Variants in NAV3 observed in about 807,000 individuals in gnomAD.
NAV3 encodes pore membrane and/or filament interacting like protein 1.
NAV3 carries 87 observed loss-of-function variants against 244.7 expected under a neutral mutation model. The observed-to-expected ratio is 0.36, with a 90% CI of 0.30 to 0.42. NAV3 has a LOEUF of 0.42. Ranked by LOEUF, NAV3 falls within the 20% of genes least tolerant of loss-of-function variation. The pLI is 1.00. For missense variants in NAV3, 2,663 were observed against 2,893.3 expected (o/e 0.92, Z 1.83); for synonymous variants, 1,126 against 1,042.2 (o/e 1.08, Z -1.55).
At position 78,080,038 on chromosome 12, in the gene NAV3, C is replaced by A. The variant is rs183116888; in HGVS notation, c.2636+20923C>A. 2.3e-3 allele frequency among the ~76,000 whole-genome samples: 354 copies of A among 152,162 alleles called. 4 individuals are homozygous for A. The highest frequency in any genetic ancestry group is 7.8e-3 in the African/African-American group (323 of 41,506). On this transcript the variant is annotated intron_variant, in intron 12 of 39. Coordinates refer to ENST00000397909, the MANE Select transcript of NAV3 (RefSeq NM_001024383.2). ...TGTCTATATTTTAATATGTTATGAA[C>A]CTGTTGCCCTCTTCCCCACCCATTT...
intron 1 of NAV3, among the ~76,000 whole-genome samples, chr12:77,907,369 A>G (rs1182068476): frequency 1.3e-5 from 2 of 152,116 alleles, no homozygotes; most frequent in East Asian, 3.9e-4. Flanking sequence ...ACTTTGGTTG[A>G]AGTAGTTTCT....
At chr12:77,628,796 T>C (rs925499838) in intron 2 of NAV3, among the ~76,000 whole-genome samples, 4 of 150,428 alleles carry the variant, frequency 2.7e-5, no homozygotes, top group Admixed American at 6.6e-5. Context: ...GAGGCTGAGA[T>C]GGGAGAATCC....
At chr12:77,898,623 T>G (rs941032052) in intron 1 of NAV3, among the ~76,000 whole-genome samples, 3 of 152,214 alleles carry the variant, frequency 2.0e-5, no homozygotes, top group Admixed American at 6.5e-5. Flanking sequence ...CATCATGGGT[T>G]GAGGAACACA....
rs1041534414 is a variant in NAV3 at position 77,805,229 on chromosome 12, G to A, written c.73-135090G>A. Among the ~76,000 whole-genome samples, 8 of 152,022 alleles carry A rather than the reference G, an allele frequency of 5.3e-5. No individual in the cohort carries two copies. The South Asian group carries it at 6.2e-4, about 12-fold the overall frequency. On this transcript the variant is annotated intron_variant, in intron 2 of 8. Coordinates refer to the NAV3 transcript ENST00000550042. ...TTGAATAGGAGTGGTGAGAGAGGGC[G>A]TCCTTTTCTTGTGCAGGTTTTCAAA...
intron 2 of NAV3, 74 bp from the exon 3 acceptor site, chr12:77,941,007 G>A (rs542275121): frequency 5.3e-5 from 49 of 927,904 alleles, no homozygotes; most frequent in South Asian, 3.2e-4. Flanking sequence ...TCCTGTTTTC[G>A]TGTGTGTGTT....
intron 2 of NAV3, among the ~76,000 whole-genome samples, chr12:77,620,337 T>A (rs1412048563): frequency 6.6e-6 from 1 of 152,210 alleles, no homozygotes; most frequent in Admixed American, 6.5e-5. Context: ...TTTTTGATAA[T>A]CATGACGATG....
chr12:77,727,463 C>CT (rs1876928827), intron 2 of NAV3, among the ~76,000 whole-genome samples: 1 of 151,690 alleles, frequency 6.6e-6, no homozygotes, highest in African/African-American at 2.4e-5. Flanking sequence ...TCATTGACCC[C>CT]TTTTTGTATC....
At chr12:77,620,931 A>G (rs1871345685) in intron 2 of NAV3, among the ~76,000 whole-genome samples, 1 of 152,220 alleles carries the variant, frequency 6.6e-6, no homozygotes, top group Non-Finnish European at 1.5e-5. Flanking sequence ...GAGCTCAGAA[A>G]CATCGGTGAC....
At chr12:78,013,766 G>T (rs1875710209) in intron 8 of NAV3, among the ~76,000 whole-genome samples, 1 of 152,206 alleles carries the variant, frequency 6.6e-6, no homozygotes, top group East Asian at 1.9e-4. Context: ...CAGGTTAAAT[G>T]TATAGATGAA....
chr12:77,778,613 GAAAA>G (rs746919824), intron 2 of NAV3, among the ~76,000 whole-genome samples: 1 of 58,164 alleles, frequency 1.7e-5, no homozygotes, highest in Non-Finnish European at 3.7e-5. Flanking sequence ...CTCCGTCTCA[GAAAA>G]AAAAAAAAAA....
chr12:78,084,001 A>G (rs1953495599), intron 12 of NAV3, among the ~76,000 whole-genome samples: 1 of 152,282 alleles, frequency 6.6e-6, no homozygotes, highest in African/African-American at 2.4e-5. Context: ...CCAACATTTT[A>G]TCTACTCTGC....
At chr12:78,178,327 T>C (rs1958342596) in intron 28 of NAV3, among the ~76,000 whole-genome samples, 2 of 151,774 alleles carry the variant, frequency 1.3e-5, no homozygotes, top group Admixed American at 1.3e-4. Flanking sequence ...ACCTGGCTAA[T>C]TTTTTGTATT....
At position 78,050,112 on chromosome 12, in the gene NAV3, A is replaced by G. The variant is rs1431807914; in HGVS notation, c.2132+11A>G. On this transcript the variant is annotated intron_variant, in intron 10 of 39. Transcript: ENST00000397909. ...TCAGATAAGCCACAGGTTTTTTTCA[A>G]TTTTGCATATATTTGAGCCAATAAA... is the stretch of plus-strand genomic sequence containing the variant. 1.9e-6 allele frequency: 3 copies of G among 1,567,868 alleles called. No individual in the cohort carries two copies. Among genetic ancestry groups the G allele is most frequent in the Non-Finnish European group, 2.6e-6 (3 of 1,147,740 alleles).
intron 15 of NAV3, among the ~76,000 whole-genome samples, 177 bp from the exon 16 acceptor site, chr12:78,121,763 T>C (rs1051031766): frequency 2.0e-5 from 3 of 152,054 alleles, no homozygotes; most frequent in African/African-American, 7.2e-5. Context: ...ATATGAGAGA[T>C]TTTCTGCACT....
chr12:77,795,575 G>A (rs968052701), intron 2 of NAV3, among the ~76,000 whole-genome samples: 15 of 152,074 alleles, frequency 9.9e-5, no homozygotes, highest in African/African-American at 3.6e-4. Flanking sequence ...CTATATGTAT[G>A]TGCAGTATAG....
Position 78,137,206 on chromosome 12 carries a change from C to A in NAV3, c.4471C>A (p.Leu1491Ile), listed in dbSNP as rs115472476. ...VSPTNLSQFN[L>I]PGPSMMRSNS... ...CCCAACAAATTTGTCTCAGTTTAACCTTCCCGGGCCCAGCATGATGCGCTC... is the reference window on the plus strand; with the variant it reads ...CCCAACAAATTTGTCTCAGTTTAACATTCCCGGGCCCAGCATGATGCGCTC... Residue 1491 changes from leucine to isoleucine, a missense_variant, in exon 19 of 40, where the codon CTT (leucine) becomes ATT (isoleucine). By Grantham distance (5) the Leu-to-Ile change is conservative. Coordinates refer to ENST00000397909, the MANE Select transcript of NAV3 (RefSeq NM_001024383.2). 3,127 of 1,611,582 alleles carry A rather than the reference C, an allele frequency of 1.9e-3. 44 individuals are homozygous for A. The African/African-American group carries it at 0.036, about 18-fold the overall frequency.
intron 12 of NAV3, among the ~76,000 whole-genome samples, chr12:78,092,585 C>T (rs185404008): frequency 2.0e-5 from 3 of 148,134 alleles, no homozygotes; most frequent in African/African-American, 5.0e-5. Context: ...CTGCAATCTC[C>T]GCCTCCCGGG....
chr12:78,210,662 T>A lies in NAV3; in HGVS notation c.*145T>A. 2 of 923,666 alleles carry A rather than the reference T, an allele frequency of 2.2e-6. No homozygotes were observed. Among genetic ancestry groups the A allele is most frequent in the Non-Finnish European group, 3.2e-6 (2 of 621,590 alleles). The allele number at this position is 923,666 out of a possible 1,614,324, so 57.2% of individuals were successfully genotyped here. The stretch of plus-strand genomic sequence containing the variant: ...GTGGTCTCCAAGGAGGCAGCAGAAC[T>A]AAGTCTGAACCGCCAAGATGCTAAA... On this transcript the variant is annotated 3_prime_UTR_variant, in exon 40 of 40. Transcript: ENST00000397909.
rs748769258 is a variant in NAV3, at chr12:78,006,716, C to T, written c.1178C>T (p.Ala393Val). ...CTTGAGAAATTCAAGCTAGTCAATG[C>T]CCGGACTGCTTTACGCCCCCCGCAG... ...SMLEKFKLVN[A>V]RTALRPPQPP... The change falls in exon 8 of 40, where the codon GCC becomes GTC. Residue 393 changes from alanine (A) to valine (V), a missense_variant. Ala to Val is a moderately conservative substitution (Grantham distance 64). Coordinates refer to ENST00000397909, the MANE Select transcript of NAV3 (RefSeq NM_001024383.2). 22 of 1,614,102 alleles carry T rather than the reference C, an allele frequency of 1.4e-5. No homozygotes were observed. The highest frequency in any genetic ancestry group is 1.9e-5 in the Non-Finnish European group (22 of 1,180,030).
Sources: allele counts gnomAD v4.1 joint callset (sites outside exome capture counted in the v4.1 genomes callset), GRCh38; gene constraint gnomAD v4.1.1; transcripts MANE v1.5; gene names NCBI Gene and HGNC (gene_info 2026-07-23, HGNC 2026-07-21).